Variants in ANKRD6 observed in about 807,000 individuals in gnomAD.
The protein encoded by ANKRD6 is ankyrin repeat domain-containing protein 6.
A neutral mutation model predicts 82.3 loss-of-function variants in ANKRD6; 56 were observed. The ratio of observed to expected loss-of-function variants is 0.68; its 90% confidence interval spans 0.55 to 0.85. ANKRD6 has a LOEUF of 0.85. Ranked by LOEUF, ANKRD6 falls within the 40% of genes least tolerant of loss-of-function variation. ANKRD6 has a pLI of 0.00. For synonymous variants in ANKRD6, 347 were observed against 352.1 expected (o/e 0.99, Z 0.16); for missense variants, 852 against 907.6 (o/e 0.94, Z 0.79).
chr6:89,441,789 C>T (rs1464137336), intron 1 of ANKRD6, among the ~76,000 whole-genome samples: 8 of 152,064 alleles, frequency 5.3e-5, no homozygotes, highest in South Asian at 4.2e-4. Context: ...TGCGCCACCA[C>T]ACCCAGCTAA....
At chr6:89,526,922 T>G (rs1204938442) in intron 1 of ANKRD6, among the ~76,000 whole-genome samples, 1 of 152,216 alleles carries the variant, frequency 6.6e-6, no homozygotes, top group Non-Finnish European at 1.5e-5. Flanking sequence ...TTTTGTTTTA[T>G]TCAGGCCCTC....
chr6:89,561,428 G>A (rs1291453374), intron 1 of ANKRD6: 1 of 152,234 alleles, frequency 6.6e-6, no homozygotes, highest in Non-Finnish European at 1.5e-5. Flanking sequence ...GTGGGCACCA[G>A]GTTCCGTGAG....
At chr6:89,492,035 C>T (rs565769927) in intron 1 of ANKRD6, among the ~76,000 whole-genome samples, 1 of 152,298 alleles carries the variant, frequency 6.6e-6, no homozygotes, top group African/African-American at 2.4e-5. Flanking sequence ...TCTTTATTTC[C>T]TTATGAAGAC....
chr6:89,609,404 C>T lies in ANKRD6; in HGVS notation c.418-2868C>T, dbSNP rs544787269. ...GCAACCTCCGCCTCCCGGGTTCAAG[C>T]GATTCTCCTGCCTCACCCTCCCGAG... On this transcript the variant is annotated intron_variant, in intron 5 of 15. Transcript: ENST00000339746. Among the ~76,000 whole-genome samples the T allele has an allele frequency of 4.3e-4, 65 of 152,134 alleles. 1 individual carries two copies. The South Asian group carries it at 0.012, about 29-fold the overall frequency.
intron 1 of ANKRD6, among the ~76,000 whole-genome samples, chr6:89,560,419 C>T (rs1278326284): frequency 6.6e-6 from 1 of 152,206 alleles, no homozygotes; most frequent in Non-Finnish European, 1.5e-5. Flanking sequence ...ACCTTTATGA[C>T]CAAATTCACC....
At chr6:89,568,738 G>A (rs1457875592) in intron 2 of ANKRD6, among the ~76,000 whole-genome samples, 2 of 152,082 alleles carry the variant, frequency 1.3e-5, no homozygotes, top group African/African-American at 2.4e-5. Context: ...GACACAGTGA[G>A]AAGGTGGTCA....
intron 1 of ANKRD6, among the ~76,000 whole-genome samples, chr6:89,479,052 C>T (rs1393745583): frequency 6.6e-6 from 1 of 152,124 alleles, no homozygotes; most frequent in Non-Finnish European, 1.5e-5. Flanking sequence ...TTGTGCTAGG[C>T]ATTGCACTAG....
At chr6:89,455,182 C>T (rs1203553538) in intron 1 of ANKRD6, among the ~76,000 whole-genome samples, 5 of 150,724 alleles carry the variant, frequency 3.3e-5, no homozygotes, top group South Asian at 2.1e-4. Context: ...ATGTGTTTTC[C>T]GTCTGTATTA....
chr6:89,504,466 C>T (rs763485523), intron 1 of ANKRD6, among the ~76,000 whole-genome samples: 3 of 151,932 alleles, frequency 2.0e-5, no homozygotes, highest in East Asian at 1.9e-4. Context: ...TGCAGTGGCA[C>T]GATCATAGCT....
intron 7 of ANKRD6, among the ~76,000 whole-genome samples, chr6:89,614,844 A>G (rs1039566933): frequency 1.4e-5 from 2 of 147,056 alleles, no homozygotes; most frequent in African/African-American, 5.0e-5. Flanking sequence ...AAAGGAAAAA[A>G]AAAAAAACAA....
intron 6 of ANKRD6, among the ~76,000 whole-genome samples, chr6:89,613,354 T>C (rs972470193): frequency 2.0e-5 from 3 of 152,174 alleles, no homozygotes; most frequent in African/African-American, 7.2e-5. Context: ...TGCTGCCCTG[T>C]CCTTTCATCC....
intron 1 of ANKRD6, among the ~76,000 whole-genome samples, chr6:89,491,807 A>T (rs180974709): frequency 7.0e-4 from 103 of 147,768 alleles, no homozygotes; most frequent in Middle Eastern, 3.5e-3. Flanking sequence ...TAATAAAATT[A>T]AAAAAAAAAA....
intron 2 of ANKRD6, among the ~76,000 whole-genome samples, chr6:89,574,489 G>A (rs1790668743): frequency 1.3e-5 from 2 of 152,140 alleles, no homozygotes; most frequent in African/African-American, 2.4e-5. Flanking sequence ...AAATCTAAGT[G>A]GACATAAAAT....
chr6:89,579,003 G>GT (rs1791813493), intron 2 of ANKRD6, among the ~76,000 whole-genome samples: 1 of 152,176 alleles, frequency 6.6e-6, no homozygotes, highest in Admixed American at 6.5e-5. Flanking sequence ...TGTCTGCAGG[G>GT]TGGCCCAAAG....
At chr6:89,594,558 G>A (rs1202692205) in intron 2 of ANKRD6, among the ~76,000 whole-genome samples, 3 of 152,168 alleles carry the variant, frequency 2.0e-5, no homozygotes, top group African/African-American at 7.2e-5. Flanking sequence ...GCAAAGGAGT[G>A]ATGAATACCA....
At position 89,630,631 on chromosome 6, in the gene ANKRD6, C is replaced by T; in HGVS notation, c.1811C>T (p.Ala604Val). ...GCCTTGCTACCCATGAATGAGGCAG[C>T]CAGATCTGATCAGCAGGCTGGGCCC... ...QTALLPMNEA[A>V]RSDQQAGPCV... The change falls in exon 16 of 16, where the codon GCC (alanine) becomes GTC (valine). Residue 604 changes from alanine (A) to valine (V), a missense_variant. By Grantham distance (64) the Ala-to-Val change is moderately conservative. Coordinates refer to ENST00000339746, the MANE Select transcript of ANKRD6 (RefSeq NM_001242809.2). The T allele has an allele frequency of 6.2e-7, 1 of 1,613,862 alleles. No individual in the cohort carries two copies. The highest frequency in any genetic ancestry group is 8.5e-7 in the Non-Finnish European group (1 of 1,179,816).
chr6:89,556,648 A>G (rs1365991366), intron 1 of ANKRD6, among the ~76,000 whole-genome samples: 1 of 152,248 alleles, frequency 6.6e-6, no homozygotes, highest in Non-Finnish European at 1.5e-5. Flanking sequence ...CCAGGTAAGA[A>G]ATGATGACAA....
chr6:89,435,387 A>T (rs9344937), intron 1 of ANKRD6, among the ~76,000 whole-genome samples: 22,385 of 152,122 alleles, frequency 0.15, 2,185 homozygotes, highest in East Asian at 0.41. Flanking sequence ...ACTATTCTGG[A>T]TGTTGTGTTA....
chr6:89,456,293 A>T (rs965209057), intron 1 of ANKRD6, among the ~76,000 whole-genome samples: 14 of 151,986 alleles, frequency 9.2e-5, no homozygotes, highest in African/African-American at 3.1e-4. Flanking sequence ...CAAATATCGA[A>T]CTCTGTCACT....
Sources: allele counts gnomAD v4.1 joint callset (sites outside exome capture counted in the v4.1 genomes callset), GRCh38; gene constraint gnomAD v4.1.1; transcripts MANE v1.5; gene names NCBI Gene and HGNC (gene_info 2026-07-23, HGNC 2026-07-21).